RHOT1: variants seen among roughly 807,000 people sequenced by gnomAD.
RHOT1 encodes the protein ras homolog family member T1, also known as mitochondrial Rho GTPase 1.
In RHOT1, 27 loss-of-function variants were observed where a neutral mutation model predicts 95.3. That is an observed-to-expected ratio of 0.28 (90% confidence interval 0.21 to 0.39). The LOEUF (loss-of-function observed/expected upper bound fraction) is 0.39. Among genes scored for constraint, RHOT1 ranks in the 10% least tolerant of loss-of-function variants. RHOT1 has a pLI of 1.00. For synonymous variants in RHOT1, 227 were observed against 263.5 expected, an observed-to-expected ratio of 0.86 and a Z score of 1.34; for missense variants, 578 against 786.7, an observed-to-expected ratio of 0.73 and a Z score of 3.17.
intron 1 of RHOT1, 57 bp downstream of exon 1, chr17:32,142,786 C>A: frequency 7.7e-7 from 1 of 1,301,438 alleles, no homozygotes; most frequent in Non-Finnish European, 1.0e-6. Flanking sequence ...CCCCTGCAGC[C>A]CCTGTCGCCC....
At chr17:32,204,286 C>G (rs1404584228) in intron 16 of RHOT1, among the ~76,000 whole-genome samples, 1 of 152,134 alleles carries the variant, frequency 6.6e-6, no homozygotes, top group East Asian at 1.9e-4. Context: ...CGTGGTGGCT[C>G]ACGCCTGTAA....
intron 19 of RHOT1, among the ~76,000 whole-genome samples, chr17:32,222,030 A>T (rs1381825595): frequency 1.3e-5 from 2 of 152,242 alleles, no homozygotes; most frequent in Admixed American, 6.5e-5. Flanking sequence ...TGATTTTAAT[A>T]TGATTATAGC....
At chr17:32,175,521 A>G (rs1164711745) in intron 4 of RHOT1, among the ~76,000 whole-genome samples, 159 bp downstream of exon 4, 1 of 152,048 alleles carries the variant, frequency 6.6e-6, no homozygotes, top group Non-Finnish European at 1.5e-5. Context: ...CAGTGGCGCA[A>G]TTTTGCCTTA....
intron 1 of RHOT1, among the ~76,000 whole-genome samples, chr17:32,152,008 G>A (rs769123597): frequency 3.3e-5 from 5 of 151,422 alleles, no homozygotes; most frequent in Admixed American, 1.3e-4. Context: ...TTTTTATAAT[G>A]TAGTGAGTGC....
intron 19 of RHOT1, among the ~76,000 whole-genome samples, chr17:32,220,552 G>T (rs567209886): frequency 2.0e-5 from 3 of 151,788 alleles, no homozygotes; most frequent in African/African-American, 7.2e-5. Flanking sequence ...AGTCTAAAAG[G>T]GGCTGGGCAC....
chr17:32,176,025 A>T lies in RHOT1; in HGVS notation c.276+10A>T. On this transcript the variant is annotated intron_variant, in intron 5 of 19. Coordinates refer to ENST00000545287, the MANE Select transcript of RHOT1 (RefSeq NM_001033566.3). ...GCATTCTATTGATAAGGTAGGTGTGATCTTTTTTTCCCTATAGTTGGTTTC... is the reference window on the plus strand; with the variant it reads ...GCATTCTATTGATAAGGTAGGTGTGTTCTTTTTTTCCCTATAGTTGGTTTC... 1 of 1,604,864 alleles carries T rather than the reference A, an allele frequency of 6.2e-7. No homozygotes were observed. Among genetic ancestry groups the T allele is most frequent in the Non-Finnish European group, 8.5e-7 (1 of 1,176,436 alleles).
chr17:32,182,987 C>A, intron 7 of RHOT1, 122 bp downstream of exon 7: 1 of 772,434 alleles, frequency 1.3e-6, no homozygotes, highest in Non-Finnish European at 2.1e-6. Context: ...GTCACGTAAA[C>A]CAAATAAAAC....
intron 1 of RHOT1, among the ~76,000 whole-genome samples, chr17:32,146,827 T>C (rs2031419413): frequency 6.6e-6 from 1 of 150,912 alleles, no homozygotes; most frequent in Non-Finnish European, 1.5e-5. Flanking sequence ...CCATCTTGGC[T>C]CACTGTAACC....
chr17:32,175,244 C>G, intron 3 of RHOT1, 75 bp from the exon 4 acceptor site: 1 of 1,232,004 alleles, frequency 8.1e-7, no homozygotes. Flanking sequence ...ATGAGTGTTG[C>G]ATAGAATTTA....
chr17:32,187,657 T>C (rs2036159802), intron 8 of RHOT1, among the ~76,000 whole-genome samples: 1 of 151,980 alleles, frequency 6.6e-6, no homozygotes, highest in African/African-American at 2.4e-5. Flanking sequence ...TGATCTCAGC[T>C]CACTGGGTTC....
chr17:32,218,623 C>A (rs768959718), intron 19 of RHOT1, among the ~76,000 whole-genome samples: 1 of 151,668 alleles, frequency 6.6e-6, no homozygotes, highest in Non-Finnish European at 1.5e-5. Context: ...GCCTGGGCAA[C>A]AAAGTTGTAT....
intron 1 of RHOT1, chr17:32,151,084 A>G (rs1307864741): frequency 9.1e-7 from 1 of 1,098,446 alleles, no homozygotes; most frequent in Non-Finnish European, 1.4e-6. Flanking sequence ...CTCCTGAGTG[A>G]AAACAGCCAG....
chr17:32,158,880 G>A (rs2033246905), intron 1 of RHOT1, among the ~76,000 whole-genome samples: 1 of 152,178 alleles, frequency 6.6e-6, no homozygotes, highest in East Asian at 1.9e-4. Context: ...TTCTAATGAT[G>A]GCAGTGGCGG....
chr17:32,211,192 T>G lies in RHOT1; in HGVS notation c.1816T>G (p.Leu606Val). The change falls in exon 19 of 20, where the codon TTG becomes GTG. Residue 606 changes from leucine to valine, a missense_variant. Coordinates refer to ENST00000545287, the MANE Select transcript of RHOT1 (RefSeq NM_001033566.3). ...CTGTCAGAACTTCCTCAACTCAGAC[T>G]TGCTGCAATCTGTAAAGAACAAAAT... Reference protein sequence around the residue: ...CICQNFLNSDLLQSVKNKIFT... With the variant: ...CICQNFLNSDVLQSVKNKIFT... 11 of 1,613,054 alleles carry G rather than the reference T, an allele frequency of 6.8e-6. No homozygotes were observed. The highest frequency in any genetic ancestry group is 7.6e-6 in the Non-Finnish European group (9 of 1,179,202).
chr17:32,201,072 C>A lies in RHOT1; in HGVS notation c.1201+16C>A. 7 of 1,431,032 alleles carry A rather than the reference C, an allele frequency of 4.9e-6. No homozygotes were observed. Among genetic ancestry groups the A allele is most frequent in the Non-Finnish European group, 5.8e-6 (6 of 1,034,236 alleles). The allele number at this position is 1,431,032 out of a possible 1,614,324, so 88.6% of individuals were successfully genotyped here. On this transcript the variant is annotated intron_variant, in intron 14 of 19. Coordinates refer to ENST00000545287, the MANE Select transcript of RHOT1 (RefSeq NM_001033566.3). Reference sequence around the variant, plus strand: ...GCTGTTACAGGTAAGTATCTAGATACTGTTCAGCTCATGATTAGAGATATT... The same window carrying A: ...GCTGTTACAGGTAAGTATCTAGATAATGTTCAGCTCATGATTAGAGATATT...
chr17:32,207,163 A>G, intron 17 of RHOT1, 134 bp downstream of exon 17: 1 of 827,180 alleles, frequency 1.2e-6, no homozygotes, highest in South Asian at 2.2e-5. Flanking sequence ...TCTTTACCCT[A>G]TTCCTGAAGG....
chr17:32,175,188 G>C (rs1307348976), intron 3 of RHOT1, 131 bp from the exon 4 acceptor site: 2 of 724,264 alleles, frequency 2.8e-6, no homozygotes, highest in Non-Finnish European at 4.7e-6. Flanking sequence ...CCTTCCCCTG[G>C]CTTTCCCTTG....
At chr17:32,191,553 A>G (rs1308654585) in intron 8 of RHOT1, among the ~76,000 whole-genome samples, 1 of 152,256 alleles carries the variant, frequency 6.6e-6, no homozygotes, top group Non-Finnish European at 1.5e-5. Context: ...ATGATGAATC[A>G]TAAAACAAAA....
intron 19 of RHOT1, among the ~76,000 whole-genome samples, chr17:32,223,190 G>A (rs1191276446): frequency 1.3e-5 from 2 of 151,638 alleles, no homozygotes; most frequent in Non-Finnish European, 2.9e-5. Context: ...TGTTTCTAGG[G>A]ATGTACAGAC....
Sources: gnomAD v4.1 joint callset for allele counts (sites outside exome capture counted in the v4.1 genomes callset) on GRCh38, gnomAD v4.1.1 for gene constraint, MANE v1.5 for transcripts, NCBI Gene and HGNC (gene_info 2026-07-23, HGNC 2026-07-21) for gene names.